The following OGFOD1 variants were observed in gnomAD, a reference collection of about 807,000 sequenced individuals.
OGFOD1 encodes the protein prolyl 3-hydroxylase OGFOD1.
In OGFOD1, 54 loss-of-function variants were observed where a neutral mutation model predicts 67.7. That is an observed-to-expected ratio of 0.80 (90% CI 0.64 to 1.00). The LOEUF (loss-of-function observed/expected upper bound fraction) is 1.00, where lower values mean the gene tolerates loss of function less well. Ranked by LOEUF, OGFOD1 falls within the 50% of genes least tolerant of loss-of-function variation. The pLI is 0.00. For synonymous variants in OGFOD1, 221 were observed against 227.0 expected (o/e 0.97, Z 0.24); for missense variants, 606 against 646.7 (o/e 0.94, Z 0.68).
Position 56,477,333 on chromosome 16 carries a change from T to G in OGFOD1, c.*1128T>G, listed in dbSNP as rs3228. 25,320 of 152,060 alleles carry G rather than the reference T, an allele frequency of 0.17. 2,278 individuals carry two copies. The highest frequency in any genetic ancestry group is 0.27 in the East Asian group (1,406 of 5,158). The allele number at this position is 152,060 out of a possible 1,614,324, so 9.4% of individuals were successfully genotyped here. On this transcript the variant is annotated 3_prime_UTR_variant, in exon 13 of 13. Transcript: ENST00000566157. ...AGTACAGTGTAGGCTTAGTGTAGTA[T>G]TATTCCCTTGGAAAGGGTCTGGCCT...
chr16:56,472,854 T>A (rs184041346), intron 10 of OGFOD1, among the ~76,000 whole-genome samples: 1 of 152,330 alleles, frequency 6.6e-6, no homozygotes, highest in African/African-American at 2.4e-5. Context: ...ACATCCTTTA[T>A]AACAATAGAA....
At position 56,475,566 on chromosome 16, in the gene OGFOD1, G is replaced by A; in HGVS notation, c.1467+1G>A. 6.2e-7 allele frequency: 1 copy of A among 1,613,356 alleles called. No homozygotes were observed. The highest frequency in any genetic ancestry group is 8.5e-7 in the Non-Finnish European group (1 of 1,179,378). On this transcript the variant is annotated splice_donor_variant, in intron 12 of 12. Transcript: ENST00000566157. LOFTEE classifies it high-confidence loss of function. ...CATTGCCAAAGGTGAAGATGAAGAG[G>A]TAAGTTTCTTCTGATAGCAAACTAT...
At chr16:56,456,087 C>T (rs533997563) in intron 2 of OGFOD1, among the ~76,000 whole-genome samples, 1 of 152,324 alleles carries the variant, frequency 6.6e-6, no homozygotes, top group South Asian at 2.1e-4. Flanking sequence ...GTCAAGATCA[C>T]CCATAACCTC....
In OGFOD1 at chr16:56,476,216, C is replaced by T; in HGVS notation, c.*11C>T. 6.2e-7 allele frequency: 1 copy of T among 1,601,824 alleles called. No individual in the cohort carries two copies. Among genetic ancestry groups the T allele is most frequent in the South Asian group, 1.1e-5 (1 of 89,218 alleles). On this transcript the variant is annotated 3_prime_UTR_variant, in exon 13 of 13. Transcript: ENST00000566157. ...ATCTATTATGAATGACAGCACTGGG[C>T]AAAGCTGAACAAAAATGTGACCCTT...
At chr16:56,474,796 T>C in intron 10 of OGFOD1, 32 bp from the exon 11 acceptor site, 2 of 1,585,108 alleles carry the variant, frequency 1.3e-6, no homozygotes, top group Non-Finnish European at 1.7e-6. Flanking sequence ...AGGTTATTTT[T>C]TAAAGTTTCT....
rs535528824 is a variant in OGFOD1 at position 56,457,539 on chromosome 16, A to G, written c.301-1009A>G. On this transcript the variant is annotated intron_variant, in intron 2 of 12. Coordinates refer to ENST00000566157, the MANE Select transcript of OGFOD1 (RefSeq NM_018233.4). The stretch of plus-strand genomic sequence containing the variant: ...TATACACTTTCAAGAAATTGAAATT[A>G]TGTGGATAATTGTGTTATGTGGATA... 3.3e-5 allele frequency among the ~76,000 whole-genome samples: 5 copies of G among 152,344 alleles called. No individual in the cohort carries two copies. In the South Asian group the frequency reaches 1.0e-3, roughly 32 times the overall value.
chr16:56,463,384 G>GTTTTTTTTTTTTTTTTTTT lies in OGFOD1; in HGVS notation c.448+762_448+780dup, dbSNP rs56388148. 4.8e-4 allele frequency among the ~76,000 whole-genome samples: 21 copies of GTTTTTTTTTTTTTTTTTTT among 43,806 alleles called. 1 individual carries two copies. Among genetic ancestry groups the GTTTTTTTTTTTTTTTTTTT allele is most frequent in the South Asian group, 2.8e-3 (2 of 704 alleles). The allele number at this position is 43,806 out of a possible 152,430, so 28.7% of individuals were successfully genotyped here. ...TACTGCCATGTCATTTCTTTTTTGG[G>GTTTTTTTTTTTTTTTTTTT]TTTTTTTTTTTTTTTTTTTTTTTTT... is the stretch of plus-strand genomic sequence containing the variant. On this transcript the variant is annotated intron_variant, in intron 4 of 12. Transcript: ENST00000566157.
intron 4 of OGFOD1, among the ~76,000 whole-genome samples, chr16:56,464,171 GT>G (rs1415304454): frequency 1.3e-5 from 2 of 152,088 alleles, no homozygotes; most frequent in African/African-American, 4.8e-5. Context: ...ATTGTCTGAT[GT>G]TTTCTCATGA....
At chr16:56,454,808 C>T (rs934159338) in intron 2 of OGFOD1, 1 of 442,924 alleles carries the variant, frequency 2.3e-6, no homozygotes, top group Non-Finnish European at 4.5e-6. Flanking sequence ...CCTGACCTTC[C>T]CCAGATCTTT....
At position 56,477,258 on chromosome 16, in the gene OGFOD1, C is replaced by G. The variant is rs193063311; in HGVS notation, c.*1053C>G. On this transcript the variant is annotated 3_prime_UTR_variant, in exon 13 of 13. Transcript: ENST00000566157. ...GCCTTAGAATTCTGACACAGTGAGTCATCACATTTCCTCCCACTGCCTGTG... is the reference window on the plus strand; with the variant it reads ...GCCTTAGAATTCTGACACAGTGAGTGATCACATTTCCTCCCACTGCCTGTG... 1.3e-5 allele frequency: 2 copies of G among 152,394 alleles called. No homozygotes were observed. The highest frequency in any genetic ancestry group is 4.8e-5 in the African/African-American group (2 of 41,578). 9.4% of individuals were successfully genotyped at this position (152,394 alleles called of 1,614,324 possible).
intron 7 of OGFOD1, among the ~76,000 whole-genome samples, 194 bp from the exon 8 acceptor site, chr16:56,467,711 G>A (rs1962965385): frequency 6.6e-6 from 1 of 152,172 alleles, no homozygotes; most frequent in East Asian, 1.9e-4. Context: ...ACAGGTGTGA[G>A]CCACTGCACC....
At position 56,470,646 on chromosome 16, in the gene OGFOD1, A is replaced by G. The variant is rs779342820; in HGVS notation, c.1140A>G (p.Lys380=). Residue 380 remains lysine (K), a synonymous_variant, in exon 10 of 13, where the codon AAA becomes AAG. Transcript: ENST00000566157. ...AAGAAGATGAGATGAATGATAAAAA[A>G]GAGGCAGAAACCACTGATATCACTG... The part of the protein sequence containing the change: ...PSEEDEMNDK[K]EAETTDITEE... 1.9e-5 allele frequency: 31 copies of G among 1,614,104 alleles called. No homozygotes were observed. In the East Asian group the frequency reaches 6.9e-4, roughly 36 times the overall value.
At chr16:56,472,140 T>C (rs1433412951) in intron 10 of OGFOD1, among the ~76,000 whole-genome samples, 1 of 152,004 alleles carries the variant, frequency 6.6e-6, no homozygotes, top group African/African-American at 2.4e-5. Flanking sequence ...TTTCTTGATT[T>C]TTTTTTTTTT....
chr16:56,462,739 C>A lies in OGFOD1; in HGVS notation c.448+105C>A, dbSNP rs191337323. ...CAAAACACTCAACTGAATGTCCCTG[C>A]AAAGCATCCGGATCTTCCTGATAAA... On this transcript the variant is annotated intron_variant, in intron 4 of 12. Coordinates refer to ENST00000566157, the MANE Select transcript of OGFOD1 (RefSeq NM_018233.4). 2.0e-3 allele frequency: 1,395 copies of A among 691,752 alleles called. 18 individuals are homozygous for A. The highest frequency in any genetic ancestry group is 0.011 in the East Asian group (406 of 36,846). The allele number at this position is 691,752 out of a possible 1,614,324, so 42.9% of individuals were successfully genotyped here. A position where few individuals can be genotyped will look rare whatever the true frequency, so the allele number is the denominator to read the frequency against.
intron 8 of OGFOD1, among the ~76,000 whole-genome samples, chr16:56,469,536 G>A (rs112801731): frequency 5.3e-4 from 80 of 152,220 alleles, no homozygotes; most frequent in Non-Finnish European, 1.0e-3. Context: ...TTTACCACAG[G>A]AGGAGTAGGG....
rs558155030 is a variant in OGFOD1 at position 56,467,584 on chromosome 16, G to A, written c.786+291G>A. Among the ~76,000 whole-genome samples, 5 of 151,808 alleles carry A rather than the reference G, an allele frequency of 3.3e-5. No individual in the cohort carries two copies. In the East Asian group the frequency reaches 5.8e-4, roughly 18 times the overall value. On this transcript the variant is annotated intron_variant, in intron 7 of 12. Transcript: ENST00000566157. ...TGGGCTTACAGGTGCCCACCACCAC[G>A]CCTGGCTAATTTTCATATTTTTAGT...
intron 4 of OGFOD1, among the ~76,000 whole-genome samples, chr16:56,463,263 G>T (rs116694229): frequency 6.6e-6 from 1 of 151,008 alleles, no homozygotes; most frequent in Non-Finnish European, 1.5e-5. Context: ...TTCTTTGAGT[G>T]TACTCTCATA....
Position 56,475,490 on chromosome 16 carries a change from T to G in OGFOD1, c.1409-17T>G. ...CAATAGGAGCTTTCTGAATGCTGTT[T>G]GTTTTTCTCTTGTAAGGCTGGGAGC... On this transcript the variant is annotated splice_polypyrimidine_tract_variant and intron_variant, in intron 11 of 12. Coordinates refer to ENST00000566157, the MANE Select transcript of OGFOD1 (RefSeq NM_018233.4). 6.2e-7 allele frequency: 1 copy of G among 1,613,330 alleles called. No individual in the cohort carries two copies. The highest frequency in any genetic ancestry group is 1.7e-4 in the Middle Eastern group (1 of 6,060).
intron 3 of OGFOD1, 102 bp downstream of exon 3, chr16:56,458,696 C>T: frequency 6.2e-6 from 6 of 967,388 alleles, no homozygotes; most frequent in South Asian, 1.4e-5. Context: ...TTCTTGTTGA[C>T]ATTGTTAACC....
Sources: allele counts gnomAD v4.1 joint callset (sites outside exome capture counted in the v4.1 genomes callset), GRCh38; gene constraint gnomAD v4.1.1; transcripts MANE v1.5; gene names NCBI Gene and HGNC (gene_info 2026-07-23, HGNC 2026-07-21).